Variants in PLCD1 observed in about 807,000 individuals in gnomAD.
PLCD1 encodes the protein phospholipase C delta 1, also known as 1-phosphatidylinositol 4,5-bisphosphate phosphodiesterase delta-1.
Under a neutral mutation model 87.4 loss-of-function variants are expected in PLCD1, and 71 were observed. The observed-to-expected ratio is 0.81, with a 90% confidence interval of 0.67 to 0.99. PLCD1 has a LOEUF of 0.99. Among genes scored for constraint, PLCD1 ranks in the 50% least tolerant of loss-of-function variants. The pLI, the probability that PLCD1 is intolerant of heterozygous loss-of-function variation, is 0.00. For missense variants in PLCD1, 867 were observed against 1,001.5 expected (o/e 0.87, Z 1.81); for synonymous variants, 348 against 399.2 (o/e 0.87, Z 1.53).
chr3:38,008,054 G>T lies in PLCD1; in HGVS notation c.2145C>A (p.Phe715Leu). The change falls in exon 14 of 15, where the codon TTC becomes TTA. Residue 715 changes from phenylalanine to leucine, a missense_variant. Phe to Leu is a conservative substitution (Grantham distance 22). Coordinates refer to ENST00000334661, the MANE Select transcript of PLCD1 (RefSeq NM_006225.4). ...EDYDASSKND[F>L]IGQSTIPLNS... ...TCAAGGGGATGGTACTCTGGCCAAT[G>T]AAGTCATTCTTGGAGGAGGCATCAT... 6.2e-7 allele frequency: 1 copy of T among 1,614,212 alleles called. No individual in the cohort carries two copies. The highest frequency in any genetic ancestry group is 8.5e-7 in the Non-Finnish European group (1 of 1,180,036).
rs749492867 is a variant in PLCD1, at chr3:38,007,789, A to ATCT, written c.2252_2254dup (p.Lys751dup). 3.7e-6 allele frequency: 6 copies of ATCT among 1,614,026 alleles called. No homozygotes were observed. The Admixed American group carries it at 8.3e-5, about 22-fold the overall frequency. On this transcript the variant is annotated inframe_insertion, in exon 15 of 15. Transcript: ENST00000334661. ...TCCTCCAGCCTAGTCCTGGAGGGAG[A>ATCT]TCTTCACAAAGAGGGTGGCTGATGG...
rs779909258 is a variant in PLCD1 at position 38,024,340 on chromosome 3, G to A, written c.35-3988C>T. 3.7e-6 allele frequency: 6 copies of A among 1,612,564 alleles called. 1 individual carries two copies. The South Asian group carries it at 6.6e-5, about 18-fold the overall frequency. ...CGGAGTGCTCTGCGCCCCTTACCCA[G>A]CCTCCGTCCATTGAGCGCCGCCACC... On this transcript the variant is annotated intron_variant, in intron 1 of 14. Coordinates refer to ENST00000334661, the MANE Select transcript of PLCD1 (RefSeq NM_006225.4).
At chr3:38,010,307 G>C in intron 6 of PLCD1, 32 bp from the exon 7 acceptor site, 1 of 1,614,180 alleles carries the variant, frequency 6.2e-7, no homozygotes, top group South Asian at 1.1e-5. Flanking sequence ...GGACCCTCCA[G>C]GTCCTGTCCC....
intron 7 of PLCD1, 27 bp downstream of exon 7, chr3:38,010,104 C>T: frequency 6.2e-7 from 1 of 1,614,208 alleles, no homozygotes; most frequent in African/African-American, 1.3e-5. Flanking sequence ...TAGCATCCCA[C>T]TCCTCACCTG....
chr3:38,009,581 C>T, intron 9 of PLCD1, 72 bp downstream of exon 9: 1 of 1,594,160 alleles, frequency 6.3e-7, no homozygotes. Context: ...AGAACTGAGA[C>T]AAGGCAGACC....
At position 38,020,173 on chromosome 3, in the gene PLCD1, C is replaced by T; in HGVS notation, c.199+15G>A. The T allele has an allele frequency of 1.9e-6, 3 of 1,609,884 alleles. No individual in the cohort carries two copies. In the South Asian group the frequency reaches 3.3e-5, roughly 18 times the overall value. ...CCACACTCTATCCCCTCCCCTGTGA[C>T]CCCAGGGCACTCACACAGCTGGGAC... is the stretch of plus-strand genomic sequence containing the variant. On this transcript the variant is annotated intron_variant, in intron 2 of 14. Coordinates refer to ENST00000334661, the MANE Select transcript of PLCD1 (RefSeq NM_006225.4).
chr3:38,026,243 G>C (rs1353118154), intron 1 of PLCD1, among the ~76,000 whole-genome samples: 1 of 152,196 alleles, frequency 6.6e-6, no homozygotes, highest in East Asian at 1.9e-4. Context: ...TCCTGGCCGG[G>C]CGCAGTGGCT....
rs1390126759 is a variant in PLCD1, at chr3:38,018,368, G to T, written c.200-1649C>A. 6.6e-6 allele frequency among the ~76,000 whole-genome samples: 1 copy of T among 151,842 alleles called. No individual in the cohort carries two copies. Among genetic ancestry groups the T allele is most frequent in the East Asian group, 1.9e-4 (1 of 5,148 alleles). ...ACCTGGCTCCCTGACCCTGGACCTG[G>T]CTCCCTGCAGCCCCTCCTCCTGGCA... On this transcript the variant is annotated intron_variant, in intron 2 of 14. Transcript: ENST00000334661. The surrounding 1 kb of genome is among the most constrained non-coding windows in gnomAD (Gnocchi z 5.7).
At chr3:38,009,602 G>A (rs1247907324) in intron 9 of PLCD1, 51 bp downstream of exon 9, 1 of 1,606,866 alleles carries the variant, frequency 6.2e-7, no homozygotes, top group Non-Finnish European at 8.5e-7. Context: ...TCCCACGGGT[G>A]AGGGGATGGG....
In PLCD1 at chr3:38,017,353, T is replaced by A. The variant is rs1700173828; in HGVS notation, c.200-634A>T. On this transcript the variant is annotated intron_variant, in intron 2 of 14. Transcript: ENST00000334661. The surrounding 1 kb of genome is among the most constrained non-coding windows in gnomAD (Gnocchi z 4.7). ...TGGGAGAGGAGACAGGGTCGTGCCC[T>A]GTGTGCAGCTGTGTGTGTCCTGACT... Among the ~76,000 whole-genome samples, 2 of 152,108 alleles carry A rather than the reference T, an allele frequency of 1.3e-5. No individual in the cohort carries two copies. Among genetic ancestry groups the A allele is most frequent in the African/African-American group, 4.8e-5 (2 of 41,422 alleles).
At chr3:38,023,619 T>A (rs1217917283) in intron 1 of PLCD1, among the ~76,000 whole-genome samples, 1 of 152,078 alleles carries the variant, frequency 6.6e-6, no homozygotes. Flanking sequence ...GCAGCCACTG[T>A]GAAGGGACAT....
chr3:38,021,363 C>G (rs938099593), intron 1 of PLCD1, among the ~76,000 whole-genome samples: 2 of 152,158 alleles, frequency 1.3e-5, no homozygotes, highest in African/African-American at 2.4e-5. Flanking sequence ...AGGTCCTGTC[C>G]CAGAGCCCAG....
chr3:38,021,155 C>T (rs1026390204), intron 1 of PLCD1, among the ~76,000 whole-genome samples: 1 of 152,168 alleles, frequency 6.6e-6, no homozygotes, highest in African/African-American at 2.4e-5. Context: ...GTCCCCCCCA[C>T]CTCTGACTTG....
chr3:38,025,945 C>G lies in PLCD1; in HGVS notation c.34+3561G>C, dbSNP rs1405593730. 6.6e-6 allele frequency among the ~76,000 whole-genome samples: 1 copy of G among 152,198 alleles called. No individual in the cohort carries two copies. The highest frequency in any genetic ancestry group is 1.9e-4 in the East Asian group (1 of 5,204). On this transcript the variant is annotated intron_variant, in intron 1 of 14. Transcript: ENST00000334661. The surrounding 1 kb of genome is among the most constrained non-coding windows in gnomAD (Gnocchi z 4.0). Reference sequence around the variant, plus strand: ...GCACAGACAAGCACAGCAGTAATAACAAGAAACTGAAGCGCAGAGTAACTT... The same window carrying G: ...GCACAGACAAGCACAGCAGTAATAAGAAGAAACTGAAGCGCAGAGTAACTT...
chr3:38,010,541 G>T lies in PLCD1; in HGVS notation c.812C>A (p.Thr271Asn), dbSNP rs775557325. ...TAAGTACATGAGGAAGCCGTCCTTG[G>T]TCATCTGCCGCTGCGCCTTGGCTGG... ...SETAKAQRQM[T>N]KDGFLMYLLS... The change falls in exon 6 of 15, where the codon ACC becomes AAC. Residue 271 changes from threonine (T) to asparagine (N), a missense_variant. By Grantham distance (65) the Thr-to-Asn change is moderately conservative. Transcript: ENST00000334661. 6.2e-7 allele frequency: 1 copy of T among 1,613,850 alleles called. No individual in the cohort carries two copies. Among genetic ancestry groups the T allele is most frequent in the Non-Finnish European group, 8.5e-7 (1 of 1,179,884 alleles).
At chr3:38,016,382 T>C (rs1381060051) in intron 3 of PLCD1, 109 bp downstream of exon 3, 5 of 745,454 alleles carry the variant, frequency 6.7e-6, no homozygotes, top group Non-Finnish European at 1.2e-5. Context: ...GATATTTTGT[T>C]ATGGCAGCCC....
At chr3:38,024,879 G>T in intron 1 of PLCD1, 2 of 423,180 alleles carry the variant, frequency 4.7e-6, no homozygotes, top group Non-Finnish European at 7.7e-6. Flanking sequence ...GGGCGAGAGT[G>T]GTGTCGAGGC....
At chr3:38,024,663 C>A in intron 1 of PLCD1, 1 of 1,513,154 alleles carries the variant, frequency 6.6e-7, no homozygotes, top group Non-Finnish European at 8.8e-7. Context: ...GGTAGTCAGA[C>A]GCTAGGAGGC....
In PLCD1 at chr3:38,020,215, C is replaced by G; in HGVS notation, c.172G>C (p.Val58Leu). The G allele has an allele frequency of 6.2e-7, 1 of 1,614,094 alleles. No individual in the cohort carries two copies. The highest frequency in any genetic ancestry group is 8.5e-7 in the Non-Finnish European group (1 of 1,180,014). Residue 58 changes from valine (V) to leucine (L), a missense_variant, in exon 2 of 15, where the codon GTC (valine) becomes CTC (leucine). By Grantham distance (32) the Val-to-Leu change is conservative. Coordinates refer to ENST00000334661, the MANE Select transcript of PLCD1 (RefSeq NM_006225.4). Reference protein sequence around the residue: ...CKTIWQESRKVMRTPESQLFS... With the variant: ...CKTIWQESRKLMRTPESQLFS... ...AGCTGGGACTCCGGGGTCCGCATGA[C>G]CTTGCGGGACTCCTGCCAGATGGTC... is the stretch of plus-strand genomic sequence containing the variant.
Sources: gnomAD v4.1 joint callset for allele counts (sites outside exome capture counted in the v4.1 genomes callset) on GRCh38, gnomAD v4.1.1 for gene constraint, Gnocchi (gnomAD v3.1) non-coding constraint, MANE v1.5 for transcripts, NCBI Gene and HGNC (gene_info 2026-07-23, HGNC 2026-07-21) for gene names.